The following NDC1 variants were observed in gnomAD, a reference collection of about 807,000 sequenced individuals.
NDC1 encodes NDC1 transmembrane nucleoporin.
NDC1 carries 24 observed loss-of-function variants against 89.8 expected under a neutral mutation model. The ratio of observed to expected loss-of-function variants is 0.27; its 90% CI spans 0.19 to 0.38. NDC1 has a LOEUF of 0.38. NDC1 is among the 10% of genes least tolerant of loss of function. The pLI is 1.00. For synonymous variants in NDC1, 296 were observed against 284.8 expected (o/e 1.04, Z -0.39); for missense variants, 728 against 797.6 (o/e 0.91, Z 1.05).
Position 53,766,578 on chromosome 1 carries a change from A to G in NDC1, c.*1392T>C, listed in dbSNP as rs1490756065. 1 of 152,228 alleles carries G rather than the reference A, an allele frequency of 6.6e-6. No individual in the cohort carries two copies. Among genetic ancestry groups the G allele is most frequent in the East Asian group, 1.9e-4 (1 of 5,200 alleles). The allele number at this position is 152,228 out of a possible 1,614,324, so 9.4% of individuals were successfully genotyped here. A position where few individuals can be genotyped will look rare whatever the true frequency, so the allele number is the denominator to read the frequency against. On this transcript the variant is annotated 3_prime_UTR_variant, in exon 18 of 18. Coordinates refer to ENST00000371429, the MANE Select transcript of NDC1 (RefSeq NM_018087.5). ...ACAATTGGGGAACTGTCCCACAGTGATATGCTCAAGGCCAGTAGCACCTAT... is the reference window on the plus strand; with the variant it reads ...ACAATTGGGGAACTGTCCCACAGTGGTATGCTCAAGGCCAGTAGCACCTAT...
intron 14 of NDC1, among the ~76,000 whole-genome samples, chr1:53,792,668 TTAAA>T (rs1473439611): frequency 6.6e-5 from 10 of 152,172 alleles, no homozygotes; most frequent in Admixed American, 2.6e-4. Context: ...CATCAAAGGA[TTAAA>T]TAGAGACACA....
chr1:53,836,786 A>G (rs182601698), intron 1 of NDC1, among the ~76,000 whole-genome samples: 2 of 152,266 alleles, frequency 1.3e-5, no homozygotes, highest in Admixed American at 6.5e-5. Context: ...CCCACATTCT[A>G]TACAAAAATT....
intron 14 of NDC1, among the ~76,000 whole-genome samples, chr1:53,790,815 C>T (rs996455408): frequency 3.3e-5 from 5 of 152,298 alleles, no homozygotes; most frequent in African/African-American, 7.2e-5. Flanking sequence ...CTAACCTTCA[C>T]GTAAAAAATG....
chr1:53,779,643 AG>A (rs762464047), intron 16 of NDC1, among the ~76,000 whole-genome samples: 2 of 152,212 alleles, frequency 1.3e-5, no homozygotes, highest in Non-Finnish European at 2.9e-5. Context: ...CCAAAACCCT[AG>A]TTTCCAATTC....
intron 16 of NDC1, among the ~76,000 whole-genome samples, chr1:53,781,967 A>G (rs765953467): frequency 6.6e-6 from 1 of 152,220 alleles, no homozygotes; most frequent in Non-Finnish European, 1.5e-5. Flanking sequence ...GCCAGGTACT[A>G]TATCAGATGA....
Position 53,793,299 on chromosome 1 carries a change from G to A in NDC1, c.1585-20C>T. 1 of 1,574,464 alleles carries A rather than the reference G, an allele frequency of 6.4e-7. No homozygotes were observed. Among genetic ancestry groups the A allele is most frequent in the Non-Finnish European group, 8.7e-7 (1 of 1,144,012 alleles). The stretch of plus-strand genomic sequence containing the variant: ...CTTAATCTGAGTTGGAAAAAAGGAA[G>A]AATTAACACATTTACCTTTTAAATT... On this transcript the variant is annotated intron_variant, in intron 13 of 17. Coordinates refer to ENST00000371429, the MANE Select transcript of NDC1 (RefSeq NM_018087.5).
intron 11 of NDC1, among the ~76,000 whole-genome samples, chr1:53,798,579 G>A (rs1205241036): frequency 1.3e-5 from 2 of 148,928 alleles, no homozygotes; most frequent in Non-Finnish European, 3.0e-5. Flanking sequence ...CCTTAAGAAG[G>A]AGTCTCACTC....
intron 6 of NDC1, among the ~76,000 whole-genome samples, chr1:53,811,557 C>T (rs1648305413): frequency 6.6e-6 from 1 of 152,136 alleles, no homozygotes; most frequent in Non-Finnish European, 1.5e-5. Flanking sequence ...CTCCTAGGCA[C>T]ACAACTCCAG....
At chr1:53,837,063 A>G (rs950535888) in intron 1 of NDC1, among the ~76,000 whole-genome samples, 2 of 152,224 alleles carry the variant, frequency 1.3e-5, no homozygotes, top group Non-Finnish European at 2.9e-5. Context: ...ATACTGATGA[A>G]TGGATAAACA....
chr1:53,782,152 AG>A (rs1647215584), intron 16 of NDC1, among the ~76,000 whole-genome samples: 1 of 152,120 alleles, frequency 6.6e-6, no homozygotes, highest in South Asian at 2.1e-4. Flanking sequence ...ATGTGCAGTT[AG>A]AGTCAAGTTA....
chr1:53,813,041 T>C (rs1159948116), intron 6 of NDC1, among the ~76,000 whole-genome samples: 2 of 152,226 alleles, frequency 1.3e-5, no homozygotes, highest in Admixed American at 6.5e-5. Flanking sequence ...ACAGCCTTTT[T>C]CAGACAAATA....
chr1:53,778,450 T>G (rs1311264744), intron 16 of NDC1, among the ~76,000 whole-genome samples: 1 of 152,176 alleles, frequency 6.6e-6, no homozygotes, highest in Non-Finnish European at 1.5e-5. Context: ...TCATAAAGTT[T>G]CCTTTTAAAA....
intron 14 of NDC1, among the ~76,000 whole-genome samples, chr1:53,790,444 C>T (rs1050367541): frequency 1.3e-5 from 2 of 151,256 alleles, no homozygotes; most frequent in African/African-American, 2.4e-5. Context: ...CGGTGGCTCA[C>T]GCTGGTAATC....
Position 53,827,984 on chromosome 1 carries a change from T to G in NDC1, c.455+15A>C. ...AGTAAATGAGATTCCTAAGGAAATA[T>G]ATATTTAATATTACCTGTTAGTACC... is the stretch of plus-strand genomic sequence containing the variant. On this transcript the variant is annotated intron_variant, in intron 4 of 17. Coordinates refer to ENST00000371429, the MANE Select transcript of NDC1 (RefSeq NM_018087.5). The G allele has an allele frequency of 6.4e-7, 1 of 1,573,696 alleles. No homozygotes were observed. The highest frequency in any genetic ancestry group is 8.6e-7 in the Non-Finnish European group (1 of 1,156,202).
intron 3 of NDC1, among the ~76,000 whole-genome samples, chr1:53,829,821 G>C (rs1423191877): frequency 1.3e-5 from 2 of 152,244 alleles, no homozygotes; most frequent in Middle Eastern, 6.8e-3. Context: ...TTTCGAATAG[G>C]GCTTGCATGG....
intron 6 of NDC1, among the ~76,000 whole-genome samples, chr1:53,818,253 A>G (rs910982684): frequency 6.6e-6 from 1 of 152,072 alleles, no homozygotes; most frequent in African/African-American, 2.4e-5. Context: ...CCTGGCCAAC[A>G]TGGTGAAACC....
intron 16 of NDC1, among the ~76,000 whole-genome samples, chr1:53,781,904 A>C (rs556869791): frequency 1.3e-5 from 2 of 152,206 alleles, no homozygotes; most frequent in African/African-American, 4.8e-5. Flanking sequence ...CTGAACCAGC[A>C]ATGATGCAAT....
chr1:53,789,927 A>C (rs1198141916), intron 14 of NDC1, among the ~76,000 whole-genome samples: 1 of 152,052 alleles, frequency 6.6e-6, no homozygotes, highest in Non-Finnish European at 1.5e-5. Context: ...AACATGCTGA[A>C]ACCCCATCTC....
intron 2 of NDC1, among the ~76,000 whole-genome samples, chr1:53,833,707 T>A (rs1649139845): frequency 6.6e-6 from 1 of 151,946 alleles, no homozygotes; most frequent in African/African-American, 2.4e-5. Context: ...CGATATTCCA[T>A]CTCAAAGTTT....
Sources: allele counts gnomAD v4.1 joint callset (sites outside exome capture counted in the v4.1 genomes callset), GRCh38; gene constraint gnomAD v4.1.1; transcripts MANE v1.5; gene names NCBI Gene and HGNC (gene_info 2026-07-23, HGNC 2026-07-21).